CYRIB: variants seen among roughly 807,000 people sequenced by gnomAD.
CYRIB encodes CYFIP-related Rac1 interactor B.
In CYRIB, 8 loss-of-function variants were observed where a neutral mutation model predicts 44.2. The ratio of observed to expected loss-of-function variants is 0.18; its 90% CI spans 0.11 to 0.33. The LOEUF (loss-of-function observed/expected upper bound fraction) is 0.33. Among genes scored for constraint, CYRIB ranks in the 10% least tolerant of loss-of-function variants. The probability of loss-of-function intolerance (pLI) is 1.00; values close to 1 mark genes in which losing one functional copy is unlikely to be tolerated. For synonymous variants in CYRIB, 131 were observed against 127.2 expected (o/e 1.03, Z -0.20); for missense variants, 185 against 382.8 (o/e 0.48, Z 4.31).
chr8:129,933,895 A>C (rs1042562459), intron 1 of CYRIB, among the ~76,000 whole-genome samples: 16 of 141,910 alleles, frequency 1.1e-4, no homozygotes, highest in African/African-American at 4.1e-4. Flanking sequence ...CACAAAAAAA[A>C]AAAGAAGAAG....
chr8:129,941,938 A>G (rs2093740249), upstream of CYRIB, among the ~76,000 whole-genome samples: 1 of 152,190 alleles, frequency 6.6e-6, no homozygotes, highest in African/African-American at 2.4e-5. Context: ...GATGCACAAC[A>G]ATTTTCATCC....
intron 1 of CYRIB, among the ~76,000 whole-genome samples, chr8:129,988,771 G>C (rs1005896183): frequency 1.3e-5 from 2 of 151,214 alleles, no homozygotes. Context: ...AAATTATGGC[G>C]GGTGGGGTTT....
intron 2 of CYRIB, among the ~76,000 whole-genome samples, chr8:129,952,288 C>T (rs1426669884): frequency 6.6e-6 from 1 of 152,042 alleles, no homozygotes; most frequent in African/African-American, 2.4e-5. Flanking sequence ...CTCGAACTCC[C>T]GACCTCAGGT....
Position 129,860,867 on chromosome 8 carries a change from A to G in CYRIB, c.301+1362T>C, listed in dbSNP as rs78143843. Among the ~76,000 whole-genome samples, 13 of 48,520 alleles carry G rather than the reference A, an allele frequency of 2.7e-4. No homozygotes were observed. The Admixed American group carries it at 3.8e-3, about 14-fold the overall frequency. The allele number at this position is 48,520 out of a possible 152,430, so 31.8% of individuals were successfully genotyped here. On this transcript the variant is annotated intron_variant, in intron 5 of 11. Transcript: ENST00000519824. Reference sequence around the variant, plus strand: ...TTATTGCTAGTTGGAGGCTTAAAGAAAAAAAAAAAAAAAACCATACAGTGA... The same window carrying G: ...TTATTGCTAGTTGGAGGCTTAAAGAGAAAAAAAAAAAAAACCATACAGTGA...
At chr8:129,941,273 AT>A (rs11418510), upstream of CYRIB, among the ~76,000 whole-genome samples, 1,321 of 125,832 alleles carry the variant, frequency 0.01, 22 homozygotes, top group African/African-American at 0.035. Flanking sequence ...ACTGAAGGAG[AT>A]TTTTTTTTTT....
intron 5 of CYRIB, among the ~76,000 whole-genome samples, chr8:129,859,405 T>C (rs1212413975): frequency 1.3e-5 from 2 of 150,810 alleles, no homozygotes; most frequent in African/African-American, 4.9e-5. Context: ...TAACTGCAGG[T>C]GGGCCTGACT....
In CYRIB at chr8:129,855,592, G is replaced by T. The variant is rs2045845328; in HGVS notation, c.438+19C>A. 6 of 1,613,360 alleles carry T rather than the reference G, an allele frequency of 3.7e-6. No individual in the cohort carries two copies. Among genetic ancestry groups the T allele is most frequent in the Non-Finnish European group, 3.4e-6 (4 of 1,179,626 alleles). ...GATTCATGATTTTCGTAACAATCAG[G>T]GCCAATAGATAATTCTACCTTGAGT... On this transcript the variant is annotated intron_variant, in intron 6 of 11. Coordinates refer to ENST00000519824, the Ensembl canonical transcript of CYRIB.
At chr8:130,014,422 G>T (rs892084123) in intron 1 of CYRIB, among the ~76,000 whole-genome samples, 1 of 152,180 alleles carries the variant, frequency 6.6e-6, no homozygotes, top group Admixed American at 6.5e-5. Context: ...AGCAATGCGT[G>T]AGACCCTGTC....
intron 1 of CYRIB, among the ~76,000 whole-genome samples, chr8:130,006,581 C>A: frequency 4.6e-5 from 1 of 21,886 alleles, no homozygotes; most frequent in Middle Eastern, 0.021. Flanking sequence ...CCCGTCTCTA[C>A]TAAAAACACA....
chr8:130,001,211 C>T (rs11782205), intron 1 of CYRIB, among the ~76,000 whole-genome samples: 3 of 152,162 alleles, frequency 2.0e-5, no homozygotes, highest in Non-Finnish European at 2.9e-5. Context: ...CCATCCTTTT[C>T]TTCTGCCCCT....
At chr8:129,885,833 A>G (rs1013706432) in intron 2 of CYRIB, among the ~76,000 whole-genome samples, 1 of 151,778 alleles carries the variant, frequency 6.6e-6, no homozygotes, top group African/African-American at 2.4e-5. Context: ...TACCTTTCTC[A>G]TGATCTCTTA....
chr8:129,952,430 T>C (rs1214234774), intron 2 of CYRIB, among the ~76,000 whole-genome samples: 3 of 152,118 alleles, frequency 2.0e-5, no homozygotes, highest in African/African-American at 7.2e-5. Flanking sequence ...AATAAAGTTA[T>C]ATATAATAGA....
chr8:129,938,930 A>G (rs1270301017), intron 1 of CYRIB, among the ~76,000 whole-genome samples: 1 of 152,166 alleles, frequency 6.6e-6, no homozygotes, highest in African/African-American at 2.4e-5. Flanking sequence ...TTGGGTAATT[A>G]TAGTAGAAAT....
At chr8:129,868,063 G>A (rs994552565) in intron 4 of CYRIB, among the ~76,000 whole-genome samples, 5 of 151,990 alleles carry the variant, frequency 3.3e-5, no homozygotes, top group African/African-American at 1.2e-4. Flanking sequence ...TAGAATAGTT[G>A]GCTGCTCTAA....
At chr8:129,942,765 CTT>C (rs1309170224), upstream of CYRIB, among the ~76,000 whole-genome samples, 1 of 152,192 alleles carries the variant, frequency 6.6e-6, no homozygotes, top group East Asian at 1.9e-4. Context: ...GCTCTACGCT[CTT>C]GACTTGTTTT....
intron 1 of CYRIB, among the ~76,000 whole-genome samples, chr8:129,992,637 C>T (rs1043827954): frequency 1.3e-5 from 2 of 152,344 alleles, no homozygotes; most frequent in Admixed American, 1.3e-4. Flanking sequence ...AAGCATTTAA[C>T]TCAGACCAAT....
chr8:129,963,465 C>A (rs1211172602), intron 2 of CYRIB, among the ~76,000 whole-genome samples: 1 of 152,220 alleles, frequency 6.6e-6, no homozygotes, highest in Non-Finnish European at 1.5e-5. Flanking sequence ...CAAACAATTA[C>A]AGCTATTTAA....
chr8:129,873,252 A>G (rs1365763182), intron 3 of CYRIB, among the ~76,000 whole-genome samples: 1 of 151,990 alleles, frequency 6.6e-6, no homozygotes, highest in African/African-American at 2.4e-5. Flanking sequence ...CAATTGAAAA[A>G]TTAAAAAGAC....
intron 2 of CYRIB, among the ~76,000 whole-genome samples, chr8:129,898,321 T>C (rs2069338617): frequency 6.6e-6 from 1 of 152,070 alleles, no homozygotes; most frequent in Non-Finnish European, 1.5e-5. Context: ...CAAGTGTTCC[T>C]AAAAGAAATT....
Sources: gnomAD v4.1 joint callset for allele counts (sites outside exome capture counted in the v4.1 genomes callset) on GRCh38, gnomAD v4.1.1 for gene constraint, MANE v1.5 for transcripts, NCBI Gene and HGNC (gene_info 2026-07-23, HGNC 2026-07-21) for gene names.